The following AGAP1 variants were observed in gnomAD, a reference collection of about 807,000 sequenced individuals.
AGAP1 encodes ArfGAP with GTPase domain, ankyrin repeat and PH domain 1, also known as arf-GAP with GTPase, ANK repeat and PH domain-containing protein 1.
Under a neutral mutation model 105.3 loss-of-function variants are expected in AGAP1, and 29 were observed. The observed-to-expected ratio is 0.28, with a 90% CI of 0.21 to 0.38. The LOEUF (loss-of-function observed/expected upper bound fraction) is 0.38, where lower values mean the gene tolerates loss of function less well. Ranked by LOEUF, AGAP1 falls within the 10% of genes least tolerant of loss-of-function variation. The pLI is 1.00. For synonymous variants in AGAP1, 509 were observed against 485.9 expected (o/e 1.05, Z -0.63); for missense variants, 998 against 1,165.1 (o/e 0.86, Z 2.09).
rs74856534 is a variant in AGAP1 at position 235,957,120 on chromosome 2, C to T, written c.1484-11342C>T. 2.0e-5 allele frequency among the ~76,000 whole-genome samples: 3 copies of T among 152,166 alleles called. No homozygotes were observed. The highest frequency in any genetic ancestry group is 1.9e-4 in the East Asian group (1 of 5,200). On this transcript the variant is annotated intron_variant, in intron 12 of 17. Transcript: ENST00000304032. The surrounding 1 kb of genome is among the most constrained non-coding windows in gnomAD (Gnocchi z 4.6). Reference sequence around the variant, plus strand: ...ACCACAGTCAATCTCAGAACATTTTCATCGTCTCAAAAAGGAAACTCTGTT... The same window carrying T: ...ACCACAGTCAATCTCAGAACATTTTTATCGTCTCAAAAAGGAAACTCTGTT...
In AGAP1 at chr2:235,668,461, C is replaced by T. The variant is rs543065180; in HGVS notation, c.164-40718C>T. ...AAGTAATGCTTCCACCTGGCCTGGC[C>T]GCCAGCACCTTGCCCAGAAACAGCC... On this transcript the variant is annotated intron_variant, in intron 1 of 17. Coordinates refer to ENST00000304032, the MANE Select transcript of AGAP1 (RefSeq NM_001037131.3). Among the ~76,000 whole-genome samples the T allele has an allele frequency of 3.9e-5, 6 of 152,324 alleles. No homozygotes were observed. The East Asian group carries it at 7.7e-4, about 20-fold the overall frequency.
Position 235,897,443 on chromosome 2 carries a change from G to GA in AGAP1, c.1156-11289dup, listed in dbSNP as rs1486860029. On this transcript the variant is annotated intron_variant, in intron 10 of 17. Coordinates refer to ENST00000304032, the MANE Select transcript of AGAP1 (RefSeq NM_001037131.3). ...GCCTTCTTGCATTTCTAGTTAAAAT[G>GA]AAAAAATAGAATATATGTGTGTTTC... Among the ~76,000 whole-genome samples, 9 of 152,118 alleles carry GA rather than the reference G, an allele frequency of 5.9e-5. No individual in the cohort carries two copies. In the East Asian group the frequency reaches 1.5e-3, roughly 26 times the overall value.
At chr2:236,077,924 G>A (rs528874434) in intron 16 of AGAP1, among the ~76,000 whole-genome samples, 80 of 152,240 alleles carry the variant, frequency 5.3e-4, no homozygotes, top group African/African-American at 1.7e-3. Flanking sequence ...CTCACCTTGC[G>A]TCTCCCCTGG....
At chr2:236,098,704 C>T (rs924952460) in intron 16 of AGAP1, among the ~76,000 whole-genome samples, 10 of 147,684 alleles carry the variant, frequency 6.8e-5, no homozygotes, top group Non-Finnish European at 1.2e-4. Context: ...AGGTCACTGC[C>T]GCTTCCCGCT....
intron 1 of AGAP1, among the ~76,000 whole-genome samples, chr2:235,514,162 G>GCGCA (rs1003208197): frequency 4.4e-4 from 67 of 150,620 alleles, no homozygotes; most frequent in African/African-American, 1.4e-3. Context: ...GTGCGCGCGC[G>GCGCA]CACACACACA....
chr2:235,962,361 G>C lies in AGAP1; in HGVS notation c.1484-6101G>C, dbSNP rs990918767. On this transcript the variant is annotated intron_variant, in intron 12 of 17. Coordinates refer to ENST00000304032, the MANE Select transcript of AGAP1 (RefSeq NM_001037131.3). The surrounding 1 kb of genome is among the most constrained non-coding windows in gnomAD (Gnocchi z 5.3). ...AGTGAAGTTGGGGCTTCCTACTCAG[G>C]AGAGATGGTGGGAGAAGGGAAACTT... Among the ~76,000 whole-genome samples, 1 of 152,146 alleles carries C rather than the reference G, an allele frequency of 6.6e-6. No homozygotes were observed. Among genetic ancestry groups the C allele is most frequent in the Non-Finnish European group, 1.5e-5 (1 of 68,028 alleles).
chr2:235,806,002 AT>A (rs1957817580), intron 8 of AGAP1, among the ~76,000 whole-genome samples: 1 of 152,174 alleles, frequency 6.6e-6, no homozygotes, highest in Non-Finnish European at 1.5e-5. Context: ...AGTTTCCATC[AT>A]GGGAACTGTT....
At chr2:236,081,777 A>G (rs2058791786) in intron 16 of AGAP1, among the ~76,000 whole-genome samples, 1 of 152,150 alleles carries the variant, frequency 6.6e-6, no homozygotes, top group Non-Finnish European at 1.5e-5. Flanking sequence ...ATTGTTACAA[A>G]GAAGAAAAAA....
At chr2:235,630,580 C>T (rs1053901798) in intron 1 of AGAP1, among the ~76,000 whole-genome samples, 2 of 152,116 alleles carry the variant, frequency 1.3e-5, no homozygotes, top group Non-Finnish European at 2.9e-5. Context: ...AGCATTTTTC[C>T]GTGTCGTGTT....
chr2:235,998,831 A>C (rs867288007), intron 13 of AGAP1, among the ~76,000 whole-genome samples: 2 of 140,288 alleles, frequency 1.4e-5, no homozygotes, highest in African/African-American at 5.3e-5. Context: ...AGAGTTGGTG[A>C]TGGTGGTGGT....
At position 235,639,404 on chromosome 2, in the gene AGAP1, G is replaced by A. The variant is rs1190996667; in HGVS notation, c.164-69775G>A. 4.6e-5 allele frequency among the ~76,000 whole-genome samples: 7 copies of A among 152,180 alleles called. No individual in the cohort carries two copies. Among genetic ancestry groups the A allele is most frequent in the South Asian group, 4.1e-4 (2 of 4,828 alleles). ...GAGAAGTCGGCCTGCGATAGAACCC[G>A]GGGAATCCCAGTGTTTCCAGGGTGG... On this transcript the variant is annotated intron_variant, in intron 1 of 17. Coordinates refer to ENST00000304032, the MANE Select transcript of AGAP1 (RefSeq NM_001037131.3). This position sits in a 1 kb window ranked among gnomAD's most constrained non-coding sequence, Gnocchi z 5.3.
chr2:235,518,873 C>T lies in AGAP1; in HGVS notation c.163+24024C>T, dbSNP rs533529869. Among the ~76,000 whole-genome samples, 74 of 152,308 alleles carry T rather than the reference C, an allele frequency of 4.9e-4. No individual in the cohort carries two copies. The East Asian group carries it at 0.011, about 24-fold the overall frequency. On this transcript the variant is annotated intron_variant, in intron 1 of 17. Coordinates refer to ENST00000304032, the MANE Select transcript of AGAP1 (RefSeq NM_001037131.3). ...GCCTCGCGGGTGCACTTCGTGAATG[C>T]CCGCTGCTCCTGCAGCGGAAGAGTC...
rs370338062 is a variant in AGAP1 at position 235,987,728 on chromosome 2, A to G, written c.1645+19105A>G. Among the ~76,000 whole-genome samples the G allele has an allele frequency of 2.0e-4, 30 of 152,232 alleles. 1 individual carries two copies. In the South Asian group the frequency reaches 4.4e-3, roughly 22 times the overall value. ...TATCTCTTTGTTCTCATTGGTTTCA[A>G]ATAACTTCTTGATTTCTGTCTTAAT... On this transcript the variant is annotated intron_variant, in intron 13 of 17. Coordinates refer to ENST00000304032, the MANE Select transcript of AGAP1 (RefSeq NM_001037131.3).
chr2:235,878,436 T>C (rs2049853477), intron 9 of AGAP1, among the ~76,000 whole-genome samples: 1 of 151,632 alleles, frequency 6.6e-6, no homozygotes, highest in Non-Finnish European at 1.5e-5. Context: ...GGTGGCAGCA[T>C]GTTGGCCCAG....
At chr2:236,060,118 T>C (rs967642761) in intron 16 of AGAP1, among the ~76,000 whole-genome samples, 1 of 151,888 alleles carries the variant, frequency 6.6e-6, no homozygotes, top group Non-Finnish European at 1.5e-5. Context: ...ACAAATTAAT[T>C]CCAGATTGAT....
chr2:235,672,315 C>A (rs1351671671), intron 1 of AGAP1, among the ~76,000 whole-genome samples: 4 of 152,186 alleles, frequency 2.6e-5, no homozygotes, highest in Non-Finnish European at 5.9e-5. Flanking sequence ...TTCTAATATG[C>A]TCCTAATGAT....
rs1017097405 is a variant in AGAP1 at position 235,887,185 on chromosome 2, C to G, written c.1155+3736C>G. 6.6e-6 allele frequency among the ~76,000 whole-genome samples: 1 copy of G among 152,138 alleles called. No individual in the cohort carries two copies. The highest frequency in any genetic ancestry group is 1.5e-5 in the Non-Finnish European group (1 of 68,024). On this transcript the variant is annotated intron_variant, in intron 10 of 17. Transcript: ENST00000304032. The surrounding 1 kb of genome is among the most constrained non-coding windows in gnomAD (Gnocchi z 4.1). ...GTGACACCCACATCCTTGGCTATCTCCAGGATGTATTACGGCAGAAGGACC... is the reference window on the plus strand; with the variant it reads ...GTGACACCCACATCCTTGGCTATCTGCAGGATGTATTACGGCAGAAGGACC...
At chr2:235,498,161 C>T (rs1037656408) in intron 1 of AGAP1, among the ~76,000 whole-genome samples, 3 of 152,124 alleles carry the variant, frequency 2.0e-5, no homozygotes, top group African/African-American at 7.2e-5. Flanking sequence ...CACCAAGGCT[C>T]CCAAATAAAA....
At position 235,845,026 on chromosome 2, in the gene AGAP1, G is replaced by C. The variant is rs68016591; in HGVS notation, c.1050+37695G>C. 1.3e-5 allele frequency among the ~76,000 whole-genome samples: 2 copies of C among 151,968 alleles called. No individual in the cohort carries two copies. The highest frequency in any genetic ancestry group is 6.6e-5 in the Admixed American group (1 of 15,266). On this transcript the variant is annotated intron_variant, in intron 9 of 17. Coordinates refer to ENST00000304032, the MANE Select transcript of AGAP1 (RefSeq NM_001037131.3). The surrounding 1 kb of genome is among the most constrained non-coding windows in gnomAD (Gnocchi z 4.8). The stretch of plus-strand genomic sequence containing the variant: ...TGCTGTTCCTTGTCCCCAGGACCTA[G>C]TGGGGTCCCGGCCCAGCAGTGGGGC...
Sources: allele counts gnomAD v4.1 joint callset (sites outside exome capture counted in the v4.1 genomes callset), GRCh38; gene constraint gnomAD v4.1.1; non-coding constraint Gnocchi (gnomAD v3.1); transcripts MANE v1.5; gene names NCBI Gene and HGNC (gene_info 2026-07-23, HGNC 2026-07-21).